Variants in SLC37A2 observed in about 807,000 individuals in gnomAD.
The protein encoded by SLC37A2 is glucose-6-phosphate exchanger SLC37A2.
In SLC37A2, 59 loss-of-function variants were observed where a neutral mutation model predicts 70.7. The ratio of observed to expected loss-of-function variants is 0.83; its 90% CI spans 0.68 to 1.04. The LOEUF is 1.04. Ranked by LOEUF, SLC37A2 falls within the 50% of genes least tolerant of loss-of-function variation. The pLI, the probability that SLC37A2 is intolerant of heterozygous loss-of-function variation, is 0.00. For synonymous variants in SLC37A2, 257 were observed against 262.1 expected, an observed-to-expected ratio of 0.98 and a Z score of 0.19; for missense variants, 580 against 658.1, an observed-to-expected ratio of 0.88 and a Z score of 1.30.
chr11:125,071,510 G>A (rs1425415491), intron 1 of SLC37A2, among the ~76,000 whole-genome samples: 4 of 152,202 alleles, frequency 2.6e-5, no homozygotes, highest in Non-Finnish European at 5.9e-5. Flanking sequence ...TCTTTCCTAA[G>A]ACAGACTGTC....
intron 4 of SLC37A2, among the ~76,000 whole-genome samples, chr11:125,077,845 C>T (rs1386258306): frequency 6.6e-6 from 1 of 152,194 alleles, no homozygotes; most frequent in African/African-American, 2.4e-5. Context: ...CTGGGAGAAT[C>T]CCCATCCTCT....
rs61006406 is a variant in SLC37A2 at position 125,073,334 on chromosome 11, C to T, written c.60-3423C>T. 1.6e-4 allele frequency among the ~76,000 whole-genome samples: 24 copies of T among 152,336 alleles called. No individual in the cohort carries two copies. The East Asian group carries it at 4.1e-3, about 26-fold the overall frequency. ...AGGGCATCCTTATGTTCATCTAGACCCAGCTATGCACAGCGGGAGGCGGGG... is the reference window on the plus strand; with the variant it reads ...AGGGCATCCTTATGTTCATCTAGACTCAGCTATGCACAGCGGGAGGCGGGG... On this transcript the variant is annotated intron_variant, in intron 1 of 17. Transcript: ENST00000403796.
At chr11:125,085,196 A>C in intron 14 of SLC37A2, 57 bp downstream of exon 14, 1 of 1,525,704 alleles carries the variant, frequency 6.6e-7, no homozygotes, top group Admixed American at 1.7e-5. Flanking sequence ...GGTCAGGGCC[A>C]CCATCTCCAG....
Position 125,077,308 on chromosome 11 carries a change from A to G in SLC37A2, c.220A>G (p.Ser74Gly), listed in dbSNP as rs1949098504. 2.5e-6 allele frequency: 4 copies of G among 1,606,394 alleles called. No homozygotes were observed. Among genetic ancestry groups the G allele is most frequent in the Admixed American group, 3.4e-5 (2 of 59,316 alleles). ...CAGTCTCAATGACACCATGTGGTGC[A>G]GCTGGGCCCCATTTGGTAAGAACAG... ...THSLNDTMWC[S>G]WAPFDKDNYK... Residue 74 changes from serine (S) to glycine (G), a missense_variant, in exon 3 of 18, where the codon AGC becomes GGC. Coordinates refer to ENST00000403796, the MANE Select transcript of SLC37A2 (RefSeq NM_001145290.2).
In SLC37A2 at chr11:125,081,871, G is replaced by A. The variant is rs143239155; in HGVS notation, c.850G>A (p.Ala284Thr). Residue 284 changes from alanine to threonine, a missense_variant, in exon 9 of 18, where the codon GCT becomes ACT. Coordinates refer to ENST00000403796, the MANE Select transcript of SLC37A2 (RefSeq NM_001145290.2). ...CTCCAAGGGGCCATGCGAAGAGCCT[G>A]CTGCCATCAGCTTCTTTGGGGCGCT... ...KCSKGPCEEP[A>T]AISFFGALRI... 2,071 of 1,613,454 alleles carry A rather than the reference G, an allele frequency of 1.3e-3. 9 individuals are homozygous for A. Among genetic ancestry groups the A allele is most frequent in the Non-Finnish European group, 9.5e-4 (1,126 of 1,179,688 alleles).
intron 1 of SLC37A2, among the ~76,000 whole-genome samples, chr11:125,076,391 A>G (rs1235572656): frequency 1.3e-5 from 2 of 151,946 alleles, no homozygotes; most frequent in African/African-American, 2.4e-5. Context: ...AAACCACTCA[A>G]ACTCCCTGCC....
Position 125,079,196 on chromosome 11 carries a change from C to T in SLC37A2, c.399C>T (p.Gly133=). 1.2e-6 allele frequency: 2 copies of T among 1,614,204 alleles called. No individual in the cohort carries two copies. The highest frequency in any genetic ancestry group is 1.7e-6 in the Non-Finnish European group (2 of 1,180,028). Residue 133 remains glycine (G), a synonymous_variant, in exon 5 of 18, where the codon GGC becomes GGT. Transcript: ENST00000403796. The stretch of plus-strand genomic sequence containing the variant: ...GTGGCCTTTTCACCTCGCTCTTTGG[C>T]CTGGGATATTTCTGGAACATCCACG... ...LLSGLFTSLF[G]LGYFWNIHEL...
In SLC37A2 at chr11:125,082,224, C is replaced by A; in HGVS notation, c.886-20C>A. ...GGACCTCTGGACCCCTTCCCATGTGCCCCCTGTTGCACTCCCCAGGGCGTG... is the reference window on the plus strand; with the variant it reads ...GGACCTCTGGACCCCTTCCCATGTGACCCCTGTTGCACTCCCCAGGGCGTG... On this transcript the variant is annotated intron_variant, in intron 9 of 17. Transcript: ENST00000403796. 1.9e-6 allele frequency: 3 copies of A among 1,612,808 alleles called. No individual in the cohort carries two copies. The South Asian group carries it at 3.3e-5, about 18-fold the overall frequency.
rs778006081 is a variant in SLC37A2, at chr11:125,080,599, C to G, written c.528-15C>G. 71 of 1,472,366 alleles carry G rather than the reference C, an allele frequency of 4.8e-5. 1 individual carries two copies. In the South Asian group the frequency reaches 5.5e-4, roughly 11 times the overall value. 91.2% of individuals were successfully genotyped at this position (1,472,366 alleles called of 1,614,324 possible). On this transcript the variant is annotated splice_polypyrimidine_tract_variant and intron_variant, in intron 6 of 17. Transcript: ENST00000403796. The surrounding 1 kb of genome is among the most constrained non-coding windows in gnomAD (Gnocchi z 4.3). ...TTACTTTTTATACCTCTTCCCTTCTCTCCCTCCCTTCCAGGCGGGGGTTCA... is the reference window on the plus strand; with the variant it reads ...TTACTTTTTATACCTCTTCCCTTCTGTCCCTCCCTTCCAGGCGGGGGTTCA...
chr11:125,083,711 AG>A lies in SLC37A2; in HGVS notation c.977-99del. 2.0e-6 allele frequency: 2 copies of A among 1,018,896 alleles called. No homozygotes were observed. The highest frequency in any genetic ancestry group is 3.1e-6 in the Non-Finnish European group (2 of 653,066). The allele number at this position is 1,018,896 out of a possible 1,614,324, so 63.1% of individuals were successfully genotyped here. The stretch of plus-strand genomic sequence containing the variant: ...CAGGTCCCCAGCTCTTCCTCGGAAA[AG>A]GGGGCAGTGGTCTGGATCACGCTCT... On this transcript the variant is annotated intron_variant, in intron 10 of 17. Transcript: ENST00000403796. The surrounding 1 kb of genome is among the most constrained non-coding windows in gnomAD (Gnocchi z 4.6).
At chr11:125,071,587 C>T (rs1949029506) in intron 1 of SLC37A2, among the ~76,000 whole-genome samples, 1 of 152,252 alleles carries the variant, frequency 6.6e-6, no homozygotes, top group Non-Finnish European at 1.5e-5. Flanking sequence ...TGGCTTCTTT[C>T]TCTAGGAAGG....
rs1047609226 is a variant in SLC37A2 at position 125,063,809 on chromosome 11, G to A, written c.59+383G>A. On this transcript the variant is annotated intron_variant, in intron 1 of 17. Coordinates refer to ENST00000403796, the MANE Select transcript of SLC37A2 (RefSeq NM_001145290.2). This position sits in a 1 kb window ranked among gnomAD's most constrained non-coding sequence, Gnocchi z 5.4. ...CTCGAAGGCTGGGGAACCGAGGCCAGGGGATGGTAGAGGAAAGGGGTTGCC... is the reference window on the plus strand; with the variant it reads ...CTCGAAGGCTGGGGAACCGAGGCCAAGGGATGGTAGAGGAAAGGGGTTGCC... Among the ~76,000 whole-genome samples, 16 of 152,264 alleles carry A rather than the reference G, an allele frequency of 1.1e-4. No homozygotes were observed. Among genetic ancestry groups the A allele is most frequent in the African/African-American group, 3.6e-4 (15 of 41,480 alleles).
At position 125,089,279 on chromosome 11, in the gene SLC37A2, C is replaced by G. The variant is rs6590129; in HGVS notation, c.*1145C>G. 1 of 152,738 alleles carries G rather than the reference C, an allele frequency of 6.5e-6. No individual in the cohort carries two copies. 9.5% of individuals were successfully genotyped at this position (152,738 alleles called of 1,614,324 possible). A position where few individuals can be genotyped will look rare whatever the true frequency, so the allele number is the denominator to read the frequency against. ...TGTCGGGGCTTGGCTTGGCAGCGAG[C>G]GAGGCTGGCATGGGGTGCTGAAGTG... On this transcript the variant is annotated 3_prime_UTR_variant, in exon 18 of 18. Transcript: ENST00000403796.
intron 1 of SLC37A2, among the ~76,000 whole-genome samples, chr11:125,064,692 C>G (rs950657235): frequency 1.3e-5 from 2 of 152,150 alleles, no homozygotes; most frequent in African/African-American, 4.8e-5. Context: ...TCCTGACTCT[C>G]ACAAAGACAT....
At chr11:125,075,318 T>C (rs1949071721) in intron 1 of SLC37A2, among the ~76,000 whole-genome samples, 2 of 152,218 alleles carry the variant, frequency 1.3e-5, no homozygotes, top group Admixed American at 1.3e-4. Context: ...ATGAGCCATA[T>C]GGCAACAGGT....
rs1949204737 is a variant in SLC37A2, at chr11:125,085,664, T to G, written c.1415T>G (p.Leu472Arg). The G allele has an allele frequency of 2.5e-6, 4 of 1,612,858 alleles. No homozygotes were observed. The highest frequency in any genetic ancestry group is 3.4e-6 in the Non-Finnish European group (4 of 1,179,966). ...TACATGCTCATCTCTGCCGACGTCC[T>G]AGCCTGCTTGGTAAGAGTCTTGGGG... Reference protein sequence around the residue: ...VFYMLISADVLACLLLCRLVY... With the variant: ...VFYMLISADVRACLLLCRLVY... The change falls in exon 16 of 18, where the codon CTA (leucine) becomes CGA (arginine). Residue 472 changes from leucine to arginine, a missense_variant. Transcript: ENST00000403796.
rs541638167 is a variant in SLC37A2, at chr11:125,087,922, G to A, written c.1491-197G>A. 1.7e-4 allele frequency: 102 copies of A among 584,828 alleles called. 1 individual carries two copies. The Middle Eastern group carries it at 3.5e-3, about 20-fold the overall frequency. 36.2% of individuals were successfully genotyped at this position (584,828 alleles called of 1,614,324 possible). A position where few individuals can be genotyped will look rare whatever the true frequency, so the allele number is the denominator to read the frequency against. On this transcript the variant is annotated intron_variant, in intron 17 of 17. Coordinates refer to ENST00000403796, the MANE Select transcript of SLC37A2 (RefSeq NM_001145290.2). Reference sequence around the variant, plus strand: ...GCTGGGATTACAGGTGTGAGCCACCGCGCCCGGCCAGGTTTTAAATATTAA... The same window carrying A: ...GCTGGGATTACAGGTGTGAGCCACCACGCCCGGCCAGGTTTTAAATATTAA...
At chr11:125,074,710 G>A (rs1011412987) in intron 1 of SLC37A2, among the ~76,000 whole-genome samples, 1 of 152,182 alleles carries the variant, frequency 6.6e-6, no homozygotes, top group South Asian at 2.1e-4. Flanking sequence ...CTCAGCATGA[G>A]TGTGGAGGTG....
intron 1 of SLC37A2, among the ~76,000 whole-genome samples, chr11:125,072,439 C>T (rs1054482563): frequency 1.3e-5 from 2 of 152,266 alleles, no homozygotes; most frequent in Non-Finnish European, 2.9e-5. Context: ...ATGGGACAGC[C>T]GCCCCATCTG....
Sources: gnomAD v4.1 joint callset for allele counts (sites outside exome capture counted in the v4.1 genomes callset) on GRCh38, gnomAD v4.1.1 for gene constraint, Gnocchi (gnomAD v3.1) non-coding constraint, MANE v1.5 for transcripts, NCBI Gene and HGNC (gene_info 2026-07-23, HGNC 2026-07-21) for gene names.